The following BCAS1 variants were observed in gnomAD, a reference collection of about 807,000 sequenced individuals.
BCAS1 encodes brain enriched myelin associated protein 1, also known as breast carcinoma-amplified sequence 1.
A neutral mutation model predicts 65.4 loss-of-function variants in BCAS1; 46 were observed. That is an observed-to-expected ratio of 0.70 (90% CI 0.55 to 0.90). BCAS1 has a LOEUF of 0.90. Ranked by LOEUF, BCAS1 falls within the 40% of genes least tolerant of loss-of-function variation. BCAS1 has a pLI of 0.00. For missense variants in BCAS1, 793 were observed against 771.2 expected (o/e 1.03, Z -0.33); for synonymous variants, 298 against 293.5 (o/e 1.02, Z -0.16).
At chr20:53,958,134 G>C (rs558857731) in intron 10 of BCAS1, among the ~76,000 whole-genome samples, 1 of 152,274 alleles carries the variant, frequency 6.6e-6, no homozygotes, top group South Asian at 2.1e-4. Context: ...TCAATCAGAA[G>C]CTTTCAGAGG....
chr20:54,057,991 C>A, intron 3 of BCAS1, 94 bp downstream of exon 3: 1 of 969,664 alleles, frequency 1.0e-6, no homozygotes, highest in Non-Finnish European at 1.6e-6. Flanking sequence ...GCGGCTTCGA[C>A]CCTTTCATTT....
At chr20:54,040,570 A>T (rs1361210283) in intron 3 of BCAS1, among the ~76,000 whole-genome samples, 1 of 151,334 alleles carries the variant, frequency 6.6e-6, no homozygotes, top group Non-Finnish European at 1.5e-5. Flanking sequence ...CAGATATACT[A>T]ATGGCCAAGG....
At chr20:54,000,415 T>C (rs1457691325) in intron 4 of BCAS1, among the ~76,000 whole-genome samples, 1 of 152,210 alleles carries the variant, frequency 6.6e-6, no homozygotes, top group Non-Finnish European at 1.5e-5. Flanking sequence ...AAGGTTCTTT[T>C]TCTCCCTTAT....
chr20:53,966,860 C>T lies in BCAS1; in HGVS notation c.1485+46G>A, dbSNP rs183989445. On this transcript the variant is annotated intron_variant, in intron 10 of 12. Transcript: ENST00000688948. ...GCATGAGCCCATTGTTCCCAGAAGC[C>T]GCTCTAGGTATCTTAGGTTTCCTAT... 7.9e-5 allele frequency: 122 copies of T among 1,535,064 alleles called. No homozygotes were observed. The South Asian group carries it at 1.1e-3, about 14-fold the overall frequency.
At chr20:54,038,916 C>A (rs142484025) in intron 3 of BCAS1, among the ~76,000 whole-genome samples, 2,019 of 151,272 alleles carry the variant, frequency 0.013, 53 homozygotes, top group African/African-American at 0.046. Flanking sequence ...CACACATGAC[C>A]GTGGTTGGAC....
At chr20:53,953,903 T>C (rs2089613327) in intron 11 of BCAS1, among the ~76,000 whole-genome samples, 1 of 152,176 alleles carries the variant, frequency 6.6e-6, no homozygotes. Context: ...AATAATTCAT[T>C]AATACATTTT....
intron 4 of BCAS1, among the ~76,000 whole-genome samples, chr20:54,001,941 T>A (rs1222468731): frequency 1.3e-5 from 2 of 152,176 alleles, no homozygotes; most frequent in African/African-American, 2.4e-5. Flanking sequence ...ACCCTGTGAC[T>A]ACTCTACCCA....
At chr20:54,008,906 C>G (rs896975509) in intron 4 of BCAS1, among the ~76,000 whole-genome samples, 1 of 151,918 alleles carries the variant, frequency 6.6e-6, no homozygotes, top group Non-Finnish European at 1.5e-5. Context: ...CTCTGCCTAC[C>G]GGGTTCAAGC....
At chr20:54,028,275 T>A (rs2091719651) in intron 4 of BCAS1, 117 bp downstream of exon 4, 1 of 995,530 alleles carries the variant, frequency 1.0e-6, no homozygotes, top group Admixed American at 1.7e-5. Flanking sequence ...TCTAGAGGGG[T>A]CAACAGCTTG....
chr20:54,067,092 A>G (rs73134888), intron 1 of BCAS1, among the ~76,000 whole-genome samples: 20,832 of 152,222 alleles, frequency 0.14, 1,869 homozygotes, highest in East Asian at 0.28. Flanking sequence ...AGTGAGGATT[A>G]GGCCGGGCGC....
chr20:54,014,498 T>A (rs945274895), intron 4 of BCAS1, among the ~76,000 whole-genome samples: 2 of 152,212 alleles, frequency 1.3e-5, no homozygotes, highest in Non-Finnish European at 2.9e-5. Context: ...TCTACATTGT[T>A]AAAGTGAAAA....
At position 54,019,940 on chromosome 20, in the gene BCAS1, C is replaced by T. The variant is rs368077913; in HGVS notation, c.723+8452G>A. Among the ~76,000 whole-genome samples the T allele has an allele frequency of 1.4e-4, 21 of 152,292 alleles. No homozygotes were observed. The East Asian group carries it at 1.7e-3, about 13-fold the overall frequency. ...GCTTCCTACCTCCTCAGCTTGCAGACGGCCTATAGTGTGATTTCACCTTGT... is the reference window on the plus strand; with the variant it reads ...GCTTCCTACCTCCTCAGCTTGCAGATGGCCTATAGTGTGATTTCACCTTGT... On this transcript the variant is annotated intron_variant, in intron 4 of 12. Coordinates refer to ENST00000688948, the MANE Select transcript of BCAS1 (RefSeq NM_001366298.2).
chr20:54,048,741 T>C (rs1462138091), intron 3 of BCAS1, among the ~76,000 whole-genome samples: 2 of 152,246 alleles, frequency 1.3e-5, no homozygotes, highest in Admixed American at 1.3e-4. Flanking sequence ...GTTGCATTCC[T>C]TGAAGCTGAG....
At chr20:53,985,154 G>T in intron 8 of BCAS1, 133 bp downstream of exon 8, 1 of 830,140 alleles carries the variant, frequency 1.2e-6, no homozygotes, top group East Asian at 2.6e-5. Flanking sequence ...TCTACTCAAT[G>T]GGAAGCCGAG....
At chr20:53,997,652 T>C (rs948700457) in intron 4 of BCAS1, among the ~76,000 whole-genome samples, 3 of 152,186 alleles carry the variant, frequency 2.0e-5, no homozygotes, top group Non-Finnish European at 2.9e-5. Context: ...ATAAACTTGA[T>C]GAATATTCTT....
At chr20:54,066,075 TTC>T (rs1267258367) in intron 1 of BCAS1, among the ~76,000 whole-genome samples, 64 of 146,508 alleles carry the variant, frequency 4.4e-4, no homozygotes, top group South Asian at 3.7e-3. Flanking sequence ...GGTATTTTTT[TTC>T]TTTTTTTTTT....
chr20:54,023,984 T>G (rs1457056207), intron 4 of BCAS1, among the ~76,000 whole-genome samples: 1 of 152,214 alleles, frequency 6.6e-6, no homozygotes, highest in Admixed American at 6.5e-5. Flanking sequence ...TGGTAATAGC[T>G]AATTTCTCTT....
chr20:54,041,675 A>T (rs763583398), intron 3 of BCAS1, among the ~76,000 whole-genome samples: 1 of 152,022 alleles, frequency 6.6e-6, no homozygotes, highest in East Asian at 1.9e-4. Context: ...TGAGGTAAGG[A>T]GTTCAAGACC....
intron 7 of BCAS1, among the ~76,000 whole-genome samples, chr20:53,989,534 A>G (rs2090701908): frequency 6.6e-6 from 1 of 152,082 alleles, no homozygotes; most frequent in Non-Finnish European, 1.5e-5. Context: ...TATGACAGGG[A>G]CCAGAGACAG....
Sources: gnomAD v4.1 joint callset for allele counts (sites outside exome capture counted in the v4.1 genomes callset) on GRCh38, gnomAD v4.1.1 for gene constraint, MANE v1.5 for transcripts, NCBI Gene and HGNC (gene_info 2026-07-23, HGNC 2026-07-21) for gene names.